The following ZNF83 variants were observed in gnomAD, a reference collection of about 807,000 sequenced individuals.
The protein encoded by ZNF83 is zinc finger protein 816B.
For missense variants in ZNF83, 552 were observed against 629.9 expected (o/e 0.88, Z 1.32); for synonymous variants, 209 against 213.0 (o/e 0.98, Z 0.17).
At chr19:52,673,906 C>G (rs1377159502) in intron 1 of ZNF83, among the ~76,000 whole-genome samples, 1 of 145,676 alleles carries the variant, frequency 6.9e-6, no homozygotes, top group Non-Finnish European at 1.5e-5. Flanking sequence ...ATCCCAGCTA[C>G]TAGGGAGGCT....
At chr19:52,673,948 G>A (rs1180008485) in intron 1 of ZNF83, among the ~76,000 whole-genome samples, 2 of 147,050 alleles carry the variant, frequency 1.4e-5, no homozygotes, top group Admixed American at 1.4e-4. Context: ...GCTGAGAGGT[G>A]GAGGCCGCAG....
intron 2 of ZNF83, chr19:52,618,059 A>G (rs557254457): frequency 6.6e-6 from 1 of 152,302 alleles, no homozygotes; most frequent in East Asian, 1.9e-4. Context: ...CAAATAGGGA[A>G]CTGGATATCT....
intron 3 of ZNF83, among the ~76,000 whole-genome samples, chr19:52,650,051 G>A (rs1002389808): frequency 3.3e-5 from 5 of 151,836 alleles, no homozygotes; most frequent in Non-Finnish European, 5.9e-5. Flanking sequence ...AACTGAAAAG[G>A]GAGAGGGACA....
At chr19:52,614,840 T>C in intron 2 of ZNF83, 43 bp from the exon 3 acceptor site, 2 of 1,250,652 alleles carry the variant, frequency 1.6e-6, no homozygotes, top group Non-Finnish European at 2.0e-6. Context: ...TAATTACAGA[T>C]AGTCAATAAA....
chr19:52,654,013 T>G, intron 3 of ZNF83: 2 of 1,540,726 alleles, frequency 1.3e-6, no homozygotes, highest in Non-Finnish European at 9.0e-7. Flanking sequence ...AGAAATTCTT[T>G]GGGATGTTGA....
chr19:52,655,718 T>C, intron 2 of ZNF83: 1 of 865,232 alleles, frequency 1.2e-6, no homozygotes, highest in Admixed American at 2.1e-5. Context: ...CAACAAAACA[T>C]TAGGGAGGAG....
intron 1 of ZNF83, among the ~76,000 whole-genome samples, chr19:52,682,075 C>T (rs909058266): frequency 1.3e-5 from 2 of 151,984 alleles, no homozygotes; most frequent in Non-Finnish European, 2.9e-5. Flanking sequence ...ATTGAATTCC[C>T]GACCTCATGA....
At chr19:52,676,897 A>C (rs1435540417) in intron 1 of ZNF83, among the ~76,000 whole-genome samples, 46 of 136,288 alleles carry the variant, frequency 3.4e-4, no homozygotes, top group Non-Finnish European at 6.5e-4. Context: ...GTGGTGCAAG[A>C]TGTGCTTTGT....
intron 3 of ZNF83, among the ~76,000 whole-genome samples, chr19:52,650,024 T>C (rs2061422857): frequency 6.6e-6 from 1 of 151,876 alleles, no homozygotes. Flanking sequence ...GCAAACCCAG[T>C]ACCCTAAGAC....
At chr19:52,639,444 A>C (rs1342859812), upstream of ZNF83, among the ~76,000 whole-genome samples, 1 of 34,292 alleles carries the variant, frequency 2.9e-5, no homozygotes, top group Non-Finnish European at 5.3e-5. Flanking sequence ...TTTGAGGCAG[A>C]GTTTTCTTTT....
At chr19:52,669,701 C>A (rs758706817) in intron 1 of ZNF83, among the ~76,000 whole-genome samples, 6 of 152,074 alleles carry the variant, frequency 3.9e-5, no homozygotes, top group Non-Finnish European at 7.4e-5. Flanking sequence ...AAAAGTGGTT[C>A]GGTAGATGGA....
In ZNF83 at chr19:52,686,461, T is replaced by TATAC. The variant is rs563196794; in HGVS notation, c.-283+3981_-283+3982insGTAT. On this transcript the variant is annotated intron_variant, in intron 1 of 5. Transcript: ENST00000594682. ...AAACTCCAACTGCAAAAAAATTACA[T>TATAC]ATATATATATATATATATATAAATA... Among the ~76,000 whole-genome samples the TATAC allele has an allele frequency of 5.2e-3, 78 of 15,050 alleles. 3 individuals are homozygous for TATAC. In the South Asian group the frequency reaches 0.11, roughly 22 times the overall value. 9.9% of individuals were successfully genotyped at this position (15,050 alleles called of 152,430 possible). A position where few individuals can be genotyped will look rare whatever the true frequency, so the allele number is the denominator to read the frequency against.
rs2061481701 is a variant in ZNF83, at chr19:52,654,482, T to C, written c.-74+1079A>G. The C allele has an allele frequency of 6.9e-6, 4 of 576,414 alleles. No individual in the cohort carries two copies. The East Asian group carries it at 1.3e-4, about 18-fold the overall frequency. The allele number at this position is 576,414 out of a possible 1,614,324, so 35.7% of individuals were successfully genotyped here. On this transcript the variant is annotated intron_variant, in intron 3 of 5. Transcript: ENST00000594682. ...ATTTAATACTGAAATGTGTTAATAT[T>C]ACACAAAAAGCAATACTTATTTTAA...
At chr19:52,629,299 C>CCTGTGCCCAGTCT (rs1252262264) in intron 2 of ZNF83, among the ~76,000 whole-genome samples, 1 of 152,024 alleles carries the variant, frequency 6.6e-6, no homozygotes, top group Non-Finnish European at 1.5e-5. Context: ...CACATCGGTC[C>CCTGTGCCCAGTCT]CTGTGCCCAG....
chr19:52,676,669 C>T (rs12973306), intron 1 of ZNF83, among the ~76,000 whole-genome samples: 2,080 of 123,892 alleles, frequency 0.017, 15 homozygotes, highest in Non-Finnish European at 0.021. Flanking sequence ...ACAATGGCGG[C>T]TTTGTGGAAT....
chr19:52,648,974 C>T (rs1470850679), intron 3 of ZNF83, among the ~76,000 whole-genome samples: 1 of 152,172 alleles, frequency 6.6e-6, no homozygotes, highest in Admixed American at 6.5e-5. Flanking sequence ...CCAAAGCAGC[C>T]TCCACCCTCT....
rs191354742 is a variant in ZNF83 at position 52,659,065 on chromosome 19, C to T, written c.-201+1697G>A. On this transcript the variant is annotated intron_variant, in intron 2 of 5. Coordinates refer to the ZNF83 transcript ENST00000594682. Reference sequence around the variant, plus strand: ...TGTGTCGGTGTACGTTTCATTCATCCGTCTGGGCCAGGGTCCGTGGGCAGA... The same window carrying T: ...TGTGTCGGTGTACGTTTCATTCATCTGTCTGGGCCAGGGTCCGTGGGCAGA... Among the ~76,000 whole-genome samples, 453 of 152,222 alleles carry T rather than the reference C, an allele frequency of 3.0e-3. 1 individual carries two copies. Among genetic ancestry groups the T allele is most frequent in the Non-Finnish European group, 4.9e-3 (335 of 68,020 alleles).
rs531472796 is a variant in ZNF83, at chr19:52,667,326, G to C, written c.-282-6483C>G. ...AAATCAAATGGTGGTTTAAAGAAAGGGATGTTTGCAACAATTCAGAAAGTT... is the reference window on the plus strand; with the variant it reads ...AAATCAAATGGTGGTTTAAAGAAAGCGATGTTTGCAACAATTCAGAAAGTT... On this transcript the variant is annotated intron_variant, in intron 1 of 5. Transcript: ENST00000594682. 3.9e-5 allele frequency among the ~76,000 whole-genome samples: 6 copies of C among 152,070 alleles called. No individual in the cohort carries two copies. In the East Asian group the frequency reaches 5.8e-4, roughly 15 times the overall value.
intron 3 of ZNF83, among the ~76,000 whole-genome samples, chr19:52,644,024 G>A (rs2061341675): frequency 1.3e-5 from 2 of 152,188 alleles, no homozygotes; most frequent in South Asian, 4.1e-4. Context: ...TGAGGAGTGG[G>A]GCTTTTGTCC....
Sources: gnomAD v4.1 joint callset for allele counts (sites outside exome capture counted in the v4.1 genomes callset) on GRCh38, gnomAD v4.1.1 for gene constraint, MANE v1.5 for transcripts, NCBI Gene and HGNC (gene_info 2026-07-23, HGNC 2026-07-21) for gene names.